Variants in INSC observed in about 807,000 individuals in gnomAD.
The protein encoded by INSC is INSC spindle orientation adaptor protein, also known as protein inscuteable homolog.
In INSC, 67 loss-of-function variants were observed where a neutral mutation model predicts 58.6. The observed-to-expected ratio is 1.14, with a 90% confidence interval of 0.94 to 1.40. The LOEUF is 1.40. Ranked by LOEUF, INSC falls within the 40% of genes most tolerant of loss-of-function variation. INSC has a pLI of 0.00. For synonymous variants in INSC, 262 were observed against 276.1 expected (o/e 0.95, Z 0.51); for missense variants, 714 against 692.0 (o/e 1.03, Z -0.36).
At chr11:15,135,748 A>C (rs1328462890) in intron 1 of INSC, among the ~76,000 whole-genome samples, 5 of 152,188 alleles carry the variant, frequency 3.3e-5, no homozygotes, top group Non-Finnish European at 7.4e-5. Context: ...TTTATTTCTT[A>C]GTCCATTTTG....
intron 12 of INSC, among the ~76,000 whole-genome samples, chr11:15,244,331 C>A (rs1852479351): frequency 6.6e-6 from 1 of 152,150 alleles, no homozygotes; most frequent in Admixed American, 6.5e-5. Context: ...GGGGAGTCTA[C>A]TTCCTGTTGC....
intron 7 of INSC, among the ~76,000 whole-genome samples, chr11:15,206,149 C>G (rs1280678317): frequency 6.6e-6 from 1 of 152,220 alleles, no homozygotes; most frequent in South Asian, 2.1e-4. Context: ...GGAGAAGAGA[C>G]AGGCTCCCTG....
chr11:15,180,693 GC>G (rs1849743425), intron 5 of INSC, among the ~76,000 whole-genome samples: 1 of 73,924 alleles, frequency 1.4e-5, no homozygotes, highest in African/African-American at 5.4e-5. Flanking sequence ...GAGGGGGGGG[GC>G]GGGGGGGGGT....
intron 2 of INSC, among the ~76,000 whole-genome samples, chr11:15,159,472 T>C (rs938192674): frequency 9.9e-5 from 15 of 152,166 alleles, no homozygotes; most frequent in African/African-American, 3.6e-4. Context: ...GCTAAACCAT[T>C]TGTAGTCTAT....
At position 15,221,551 on chromosome 11, in the gene INSC, G is replaced by A. The variant is rs192869696; in HGVS notation, c.894G>A (p.Ala298=). ...CAGAGGCCACACGGGCTGAGGCTGC[G>A]GCTGTGGTGGCCCAGGTCACCTCCC... ...SHSEATRAEA[A]AVVAQVTSPH... Residue 298 remains alanine, a synonymous_variant, in exon 8 of 13, where the codon GCG becomes GCA. Transcript: ENST00000379556. 4.2e-4 allele frequency: 682 copies of A among 1,614,072 alleles called. 7 individuals are homozygous for A. The East Asian group carries it at 9.6e-3, about 23-fold the overall frequency.
At chr11:15,115,718 C>T (rs569506053) in intron 1 of INSC, among the ~76,000 whole-genome samples, 34 of 152,314 alleles carry the variant, frequency 2.2e-4, no homozygotes, top group Admixed American at 4.6e-4. Context: ...AGTGCACCCA[C>T]GCTTACATGC....
At chr11:15,191,975 C>T (rs568645127) in intron 6 of INSC, among the ~76,000 whole-genome samples, 2 of 152,300 alleles carry the variant, frequency 1.3e-5, no homozygotes, top group Admixed American at 1.3e-4. Context: ...CCTATTCCTC[C>T]CAAAACAGGA....
At chr11:15,161,910 A>G (rs545433773) in intron 2 of INSC, among the ~76,000 whole-genome samples, 2 of 152,340 alleles carry the variant, frequency 1.3e-5, no homozygotes, top group Non-Finnish European at 2.9e-5. Context: ...GAGGGATGGG[A>G]AGTTAATAGC....
intron 6 of INSC, among the ~76,000 whole-genome samples, chr11:15,194,705 G>T (rs1010634004): frequency 2.6e-5 from 4 of 152,204 alleles, no homozygotes; most frequent in African/African-American, 9.6e-5. Flanking sequence ...ACCATCAACA[G>T]TTGAGGAAAT....
intron 2 of INSC, among the ~76,000 whole-genome samples, chr11:15,156,746 G>A (rs1848827439): frequency 6.6e-6 from 1 of 152,220 alleles, no homozygotes; most frequent in African/African-American, 2.4e-5. Context: ...GGAGCAGAAG[G>A]TTCTTGGTAC....
chr11:15,166,185 A>T (rs1172937800), intron 2 of INSC, among the ~76,000 whole-genome samples: 2 of 152,194 alleles, frequency 1.3e-5, no homozygotes, highest in Admixed American at 6.5e-5. Context: ...GGGGACAGAC[A>T]CTTCTCAAGG....
chr11:15,148,349 T>C (rs910238137), intron 1 of INSC, among the ~76,000 whole-genome samples: 3 of 152,248 alleles, frequency 2.0e-5, no homozygotes, highest in Non-Finnish European at 4.4e-5. Context: ...CAGCATTTTT[T>C]TCTTGGTATG....
intron 2 of INSC, among the ~76,000 whole-genome samples, chr11:15,162,636 T>C (rs1417324105): frequency 6.6e-6 from 1 of 152,224 alleles, no homozygotes; most frequent in African/African-American, 2.4e-5. Context: ...GGGGCTGGAA[T>C]GTTCGTTCGT....
At chr11:15,191,581 T>C (rs1169621341) in intron 6 of INSC, among the ~76,000 whole-genome samples, 1 of 152,184 alleles carries the variant, frequency 6.6e-6, no homozygotes, top group Non-Finnish European at 1.5e-5. Flanking sequence ...TCAAACCCAG[T>C]TGAAAGAAAA....
At chr11:15,249,501 C>T (rs891198943), downstream of INSC, among the ~76,000 whole-genome samples, 6 of 152,102 alleles carry the variant, frequency 3.9e-5, no homozygotes, top group Non-Finnish European at 5.9e-5. Context: ...GATTGTGTCC[C>T]GGGCCTCAAA....
intron 2 of INSC, among the ~76,000 whole-genome samples, chr11:15,160,569 A>T (rs1189519547): frequency 6.6e-6 from 1 of 152,224 alleles, no homozygotes; most frequent in African/African-American, 2.4e-5. Flanking sequence ...ATACACACAC[A>T]TACCATTTTT....
At chr11:15,198,700 G>A (rs1850464738) in intron 6 of INSC, among the ~76,000 whole-genome samples, 1 of 152,008 alleles carries the variant, frequency 6.6e-6, no homozygotes, top group Admixed American at 6.6e-5. Flanking sequence ...ACATCTGGAA[G>A]AAGGCTAGAA....
chr11:15,234,294 T>A (rs571043214), intron 9 of INSC, among the ~76,000 whole-genome samples: 1 of 152,328 alleles, frequency 6.6e-6, no homozygotes, highest in Non-Finnish European at 1.5e-5. Context: ...GAATGTGGAA[T>A]CCCCTTCCAA....
chr11:15,180,514 A>T (rs181984669), intron 5 of INSC, among the ~76,000 whole-genome samples: 1 of 152,080 alleles, frequency 6.6e-6, no homozygotes, highest in Admixed American at 6.5e-5. Flanking sequence ...CATTCTGATC[A>T]TATTCAGGGT....
Sources: allele counts gnomAD v4.1 joint callset (sites outside exome capture counted in the v4.1 genomes callset), GRCh38; gene constraint gnomAD v4.1.1; transcripts MANE v1.5; gene names NCBI Gene and HGNC (gene_info 2026-07-23, HGNC 2026-07-21).